The following HCFC2 variants were observed in gnomAD, a reference collection of about 807,000 sequenced individuals.
HCFC2 encodes host cell factor C2, also known as host cell factor 2.
In HCFC2, 18 loss-of-function variants were observed where a neutral mutation model predicts 89.2. The observed-to-expected ratio is 0.20, with a 90% confidence interval of 0.14 to 0.30. The LOEUF (loss-of-function observed/expected upper bound fraction) is 0.30, where lower values mean the gene tolerates loss of function less well. Among genes scored for constraint, HCFC2 ranks in the 10% least tolerant of loss-of-function variants. The pLI, the probability that HCFC2 is intolerant of heterozygous loss-of-function variation, is 1.00. For missense variants in HCFC2, 578 were observed against 956.1 expected (o/e 0.60, Z 5.21); for synonymous variants, 308 against 335.7 (o/e 0.92, Z 0.90).
At chr12:104,102,222 T>A in intron 14 of HCFC2, 69 bp downstream of exon 14, 2 of 1,340,532 alleles carry the variant, frequency 1.5e-6, no homozygotes, top group Non-Finnish European at 2.1e-6. Flanking sequence ...AAGTAAACTG[T>A]CAGTTTAGAA....
intron 3 of HCFC2, among the ~76,000 whole-genome samples, chr12:104,077,975 T>C (rs1186668287): frequency 6.6e-6 from 1 of 152,096 alleles, no homozygotes; most frequent in Non-Finnish European, 1.5e-5. Context: ...TTATTCAAAG[T>C]ATTATTTCTT....
chr12:104,082,444 A>G, intron 5 of HCFC2, 56 bp from the exon 6 acceptor site: 1 of 1,149,752 alleles, frequency 8.7e-7, no homozygotes, highest in Non-Finnish European at 1.3e-6. Context: ...AGCACTTCAA[A>G]TCCAAGAAGT....
chr12:104,088,596 T>C lies in HCFC2; in HGVS notation c.1284+558T>C, dbSNP rs184419349. Among the ~76,000 whole-genome samples, 5 of 152,332 alleles carry C rather than the reference T, an allele frequency of 3.3e-5. No individual in the cohort carries two copies. The East Asian group carries it at 9.6e-4, about 29-fold the overall frequency. On this transcript the variant is annotated intron_variant, in intron 9 of 14. Coordinates refer to ENST00000229330, the MANE Select transcript of HCFC2 (RefSeq NM_013320.3). ...GCTTACTAAGATTCATTATTTTTAT[T>C]TGGTAAACTGCCATCTACCTCAGTA...
At chr12:104,087,446 T>G (rs1337459768) in intron 8 of HCFC2, among the ~76,000 whole-genome samples, 1 of 77,394 alleles carries the variant, frequency 1.3e-5, no homozygotes, top group East Asian at 3.5e-4. Context: ...TGTGTGTATG[T>G]GTGTGTGTAT....
chr12:104,081,596 C>A, intron 5 of HCFC2, among the ~76,000 whole-genome samples: 1 of 147,852 alleles, frequency 6.8e-6, no homozygotes. Flanking sequence ...TAATTTAGAA[C>A]CTAGTTTTTT....
At position 104,102,045 on chromosome 12, in the gene HCFC2, G is replaced by A; in HGVS notation, c.1956G>A (p.Arg652=). 2 of 1,614,010 alleles carry A rather than the reference G, an allele frequency of 1.2e-6. No individual in the cohort carries two copies. Among genetic ancestry groups the A allele is most frequent in the Non-Finnish European group, 1.7e-6 (2 of 1,179,944 alleles). The change falls in exon 14 of 15, where the codon AGG becomes AGA. Residue 652 remains arginine, a synonymous_variant. Transcript: ENST00000229330. Reference sequence around the variant, plus strand: ...TTCCAGGCACAGGATACAGATTCAGGGTTGCTGCAATCAATGGTTGTGGGA... The same window carrying A: ...TTCCAGGCACAGGATACAGATTCAGAGTTGCTGCAATCAATGGTTGTGGGA... ...DLVPGTGYRF[R]VAAINGCGIG...
At chr12:104,090,568 A>G (rs990471765) in intron 9 of HCFC2, among the ~76,000 whole-genome samples, 5 of 151,682 alleles carry the variant, frequency 3.3e-5, no homozygotes, top group African/African-American at 1.2e-4. Context: ...TCCAATTTTT[A>G]CATTTTAAAT....
intron 3 of HCFC2, among the ~76,000 whole-genome samples, chr12:104,072,062 A>G (rs1566225563): frequency 6.6e-6 from 1 of 152,080 alleles, no homozygotes; most frequent in Non-Finnish European, 1.5e-5. Context: ...TTTATGTTTT[A>G]TTTTATTTTT....
chr12:104,078,290 C>G (rs912900285), intron 3 of HCFC2, among the ~76,000 whole-genome samples: 1 of 152,150 alleles, frequency 6.6e-6, no homozygotes, highest in African/African-American at 2.4e-5. Flanking sequence ...CGTGAGTCAC[C>G]GCGCCAGGCC....
At chr12:104,077,575 C>G (rs1002574188) in intron 3 of HCFC2, among the ~76,000 whole-genome samples, 7 of 145,072 alleles carry the variant, frequency 4.8e-5, no homozygotes, top group African/African-American at 1.0e-4. Flanking sequence ...TTTAAACTAT[C>G]TTATTAACTG....
At chr12:104,080,491 C>A in intron 4 of HCFC2, 2 of 274,492 alleles carry the variant, frequency 7.3e-6, no homozygotes, top group South Asian at 5.5e-5. Context: ...TGAATATTTT[C>A]AGTCTGTGGT....
At chr12:104,094,028 G>A (rs1481456938) in intron 10 of HCFC2, among the ~76,000 whole-genome samples, 1 of 152,150 alleles carries the variant, frequency 6.6e-6, no homozygotes, top group Non-Finnish European at 1.5e-5. Flanking sequence ...ATAAAAATGA[G>A]TTGAATATGA....
intron 2 of HCFC2, among the ~76,000 whole-genome samples, chr12:104,067,580 A>G (rs1883187820): frequency 6.6e-6 from 1 of 152,382 alleles, no homozygotes; most frequent in South Asian, 2.1e-4. Context: ...AAAGGTTAAA[A>G]TATTTACCAT....
At chr12:104,100,999 C>T (rs1376307853) in intron 13 of HCFC2, among the ~76,000 whole-genome samples, 1 of 152,144 alleles carries the variant, frequency 6.6e-6, no homozygotes, top group Non-Finnish European at 1.5e-5. Flanking sequence ...GATTCAGTTT[C>T]CTCATCTGTA....
intron 3 of HCFC2, among the ~76,000 whole-genome samples, chr12:104,070,202 T>G (rs867212664): frequency 6.6e-6 from 1 of 152,126 alleles, no homozygotes; most frequent in Non-Finnish European, 1.5e-5. Flanking sequence ...TTTTGTATTT[T>G]TAATAGAGAC....
chr12:104,070,794 C>G (rs1883296557), intron 3 of HCFC2, among the ~76,000 whole-genome samples: 2 of 145,160 alleles, frequency 1.4e-5, no homozygotes, highest in Non-Finnish European at 3.0e-5. Flanking sequence ...AATCCGGATA[C>G]TTTTTACTTT....
At chr12:104,088,388 T>C (rs767284773) in intron 9 of HCFC2, among the ~76,000 whole-genome samples, 2 of 152,250 alleles carry the variant, frequency 1.3e-5, no homozygotes, top group Non-Finnish European at 2.9e-5. Flanking sequence ...TTTATTATTT[T>C]GCCATTTCTA....
At chr12:104,099,436 T>C (rs987428524) in intron 13 of HCFC2, among the ~76,000 whole-genome samples, 1 of 151,986 alleles carries the variant, frequency 6.6e-6, no homozygotes, top group African/African-American at 2.4e-5. Flanking sequence ...CACAAGCATG[T>C]CATTTAAAAA....
At chr12:104,096,516 A>T in intron 12 of HCFC2, 83 bp downstream of exon 12, 1 of 918,708 alleles carries the variant, frequency 1.1e-6, no homozygotes, top group Admixed American at 2.0e-5. Flanking sequence ...ATAATTTCAT[A>T]AAAAGATTCT....
Sources: gnomAD v4.1 joint callset for allele counts (sites outside exome capture counted in the v4.1 genomes callset) on GRCh38, gnomAD v4.1.1 for gene constraint, MANE v1.5 for transcripts, NCBI Gene and HGNC (gene_info 2026-07-23, HGNC 2026-07-21) for gene names.